Variants in RALGPS2 observed in about 807,000 individuals in gnomAD.
RALGPS2 encodes the protein Ral GEF with PH domain and SH3 binding motif 2.
In RALGPS2, 43 loss-of-function variants were observed where a neutral mutation model predicts 86.8. That is an observed-to-expected ratio of 0.50 (90% CI 0.39 to 0.64). The LOEUF is 0.64. RALGPS2 is among the 30% of genes least tolerant of loss of function. The pLI is 0.00. For missense variants in RALGPS2, 536 were observed against 694.6 expected (o/e 0.77, Z 2.57); for synonymous variants, 243 against 231.3 (o/e 1.05, Z -0.46).
intron 4 of RALGPS2, among the ~76,000 whole-genome samples, chr1:178,795,191 A>G (rs1230681633): frequency 6.6e-6 from 1 of 151,892 alleles, no homozygotes; most frequent in Non-Finnish European, 1.5e-5. Flanking sequence ...AAAAAAAAAA[A>G]GCAAAGAAGA....
chr1:178,825,398 A>G (rs905423234), intron 7 of RALGPS2, among the ~76,000 whole-genome samples: 3 of 152,140 alleles, frequency 2.0e-5, no homozygotes, highest in African/African-American at 7.2e-5. Context: ...GCCACAGTGG[A>G]GTCAAATAAT....
intron 2 of RALGPS2, among the ~76,000 whole-genome samples, chr1:178,783,819 A>C (rs761026959): frequency 5.3e-5 from 8 of 152,142 alleles, no homozygotes; most frequent in Non-Finnish European, 8.8e-5. Flanking sequence ...TTCAGGGCCA[A>C]AATCCACCTT....
chr1:178,828,594 T>G (rs1490239535), intron 7 of RALGPS2, among the ~76,000 whole-genome samples: 1 of 152,090 alleles, frequency 6.6e-6, no homozygotes, highest in Non-Finnish European at 1.5e-5. Flanking sequence ...ACAACCCAAT[T>G]AAAAAATGGG....
Position 178,873,944 on chromosome 1 carries a change from G to A in RALGPS2, c.608-3554G>A, listed in dbSNP as rs927516606. Among the ~76,000 whole-genome samples, 11 of 151,698 alleles carry A rather than the reference G, an allele frequency of 7.3e-5. No homozygotes were observed. In the East Asian group the frequency reaches 1.9e-3, roughly 27 times the overall value. On this transcript the variant is annotated intron_variant, in intron 8 of 19. Transcript: ENST00000367635. ...CACCCAAGCGGGAGTGCAGTGGTAC[G>A]ATCTCGGCTCACTACAAGCTCCGCC...
chr1:178,864,522 GAA>G (rs1658250055), intron 8 of RALGPS2, among the ~76,000 whole-genome samples: 2 of 152,072 alleles, frequency 1.3e-5, no homozygotes, highest in Non-Finnish European at 2.9e-5. Context: ...TGAAGAGAGT[GAA>G]AGCAAAATTT....
At chr1:178,809,004 G>T (rs914049219) in intron 5 of RALGPS2, among the ~76,000 whole-genome samples, 8 of 151,806 alleles carry the variant, frequency 5.3e-5, no homozygotes, top group Admixed American at 6.6e-5. Context: ...GCACCACCAC[G>T]CCAGACTAAT....
At chr1:178,767,617 G>T (rs1233672409) in intron 1 of RALGPS2, among the ~76,000 whole-genome samples, 1 of 152,154 alleles carries the variant, frequency 6.6e-6, no homozygotes, top group Non-Finnish European at 1.5e-5. Flanking sequence ...GGAATCACAG[G>T]GTTGTGCCTG....
chr1:178,864,390 G>A (rs563888100), intron 8 of RALGPS2, among the ~76,000 whole-genome samples: 76 of 152,134 alleles, frequency 5.0e-4, no homozygotes, highest in African/African-American at 1.7e-3. Context: ...AGAAGGCATG[G>A]CTTTTGTACA....
intron 12 of RALGPS2, 84 bp downstream of exon 12, chr1:178,885,295 G>T: frequency 1.5e-6 from 2 of 1,330,384 alleles, no homozygotes; most frequent in Non-Finnish European, 2.0e-6. Context: ...AGTAGAAAAT[G>T]GTATCCTTGA....
intron 8 of RALGPS2, among the ~76,000 whole-genome samples, chr1:178,834,821 A>G (rs565763313): frequency 7.9e-5 from 12 of 152,318 alleles, no homozygotes; most frequent in Non-Finnish European, 1.6e-4. Flanking sequence ...TCTGTTTCCT[A>G]GGCTGGAGCT....
At chr1:178,866,979 G>A (rs1304451280) in intron 8 of RALGPS2, among the ~76,000 whole-genome samples, 1 of 151,998 alleles carries the variant, frequency 6.6e-6, no homozygotes, top group Non-Finnish European at 1.5e-5. Flanking sequence ...ATCTACTAAC[G>A]AGCTGGTCTA....
At chr1:178,818,074 T>C (rs1655320574) in intron 6 of RALGPS2, among the ~76,000 whole-genome samples, 1 of 152,046 alleles carries the variant, frequency 6.6e-6, no homozygotes, top group Admixed American at 6.6e-5. Context: ...GAAGCTGATT[T>C]TTCTGGCTGG....
intron 1 of RALGPS2, among the ~76,000 whole-genome samples, chr1:178,753,351 G>C (rs952958748): frequency 2.0e-5 from 3 of 152,164 alleles, no homozygotes; most frequent in African/African-American, 7.2e-5. Context: ...TGGGACATGG[G>C]CCCTGAGACA....
In RALGPS2 at chr1:178,854,705, A is replaced by G. The variant is rs142115124; in HGVS notation, c.607+21155A>G. ...AGAAGATGGTAAACCCTAGATAGAC[A>G]TAAATCCTTGTCTAATCCCAGAGTC... is the stretch of plus-strand genomic sequence containing the variant. On this transcript the variant is annotated intron_variant, in intron 8 of 19. Coordinates refer to ENST00000367635, the MANE Select transcript of RALGPS2 (RefSeq NM_152663.5). Among the ~76,000 whole-genome samples the G allele has an allele frequency of 1.5e-3, 225 of 152,308 alleles. 1 individual carries two copies. Among genetic ancestry groups the G allele is most frequent in the African/African-American group, 4.7e-3 (196 of 41,594 alleles).
intron 8 of RALGPS2, among the ~76,000 whole-genome samples, chr1:178,845,041 G>T (rs535097330): frequency 6.5e-4 from 98 of 151,252 alleles, no homozygotes; most frequent in African/African-American, 2.4e-3. Flanking sequence ...AATTAGCTGG[G>T]TGTGGTGGCA....
intron 4 of RALGPS2, among the ~76,000 whole-genome samples, chr1:178,806,616 A>G (rs1475968169): frequency 6.6e-6 from 1 of 152,038 alleles, no homozygotes; most frequent in Non-Finnish European, 1.5e-5. Context: ...TTTTATTTCT[A>G]AAAGCTCTAT....
intron 1 of RALGPS2, among the ~76,000 whole-genome samples, chr1:178,744,570 G>A (rs903593435): frequency 6.6e-6 from 1 of 152,048 alleles, no homozygotes; most frequent in Non-Finnish European, 1.5e-5. Context: ...AGCACTTAGG[G>A]ATGCTGGAGA....
At chr1:178,874,028 T>C (rs544192275) in intron 8 of RALGPS2, among the ~76,000 whole-genome samples, 1 of 152,130 alleles carries the variant, frequency 6.6e-6, no homozygotes, top group East Asian at 1.9e-4. Flanking sequence ...TTTCTAACAT[T>C]ACAAATACTA....
intron 4 of RALGPS2, among the ~76,000 whole-genome samples, chr1:178,793,998 T>A (rs1045146502): frequency 1.3e-5 from 2 of 152,346 alleles, no homozygotes; most frequent in African/African-American, 4.8e-5. Flanking sequence ...TTTTTGGTAT[T>A]CAGTCAAAGC....
Sources: gnomAD v4.1 joint callset for allele counts (sites outside exome capture counted in the v4.1 genomes callset) on GRCh38, gnomAD v4.1.1 for gene constraint, MANE v1.5 for transcripts, NCBI Gene and HGNC (gene_info 2026-07-23, HGNC 2026-07-21) for gene names.